PBX4: variants seen among roughly 807,000 people sequenced by gnomAD.
The protein encoded by PBX4 is PBX homeobox 4, also known as pre-B-cell leukemia transcription factor 4.
PBX4 carries 26 observed loss-of-function variants against 35.1 expected under a neutral mutation model. That is an observed-to-expected ratio of 0.74 (90% CI 0.54 to 1.03). The LOEUF is 1.03. PBX4 is among the 50% of genes least tolerant of loss of function. The pLI is 0.00. For missense variants in PBX4, 448 were observed against 504.3 expected (o/e 0.89, Z 1.07); for synonymous variants, 199 against 204.2 (o/e 0.97, Z 0.22).
At chr19:19,607,043 C>G (rs1599380240) in intron 1 of PBX4, among the ~76,000 whole-genome samples, 1 of 152,040 alleles carries the variant, frequency 6.6e-6, no homozygotes, top group Non-Finnish European at 1.5e-5. Flanking sequence ...CTACCAAATC[C>G]ACATATCTGA....
Position 19,562,149 on chromosome 19 carries a change from G to C in PBX4, c.1033-32C>G. On this transcript the variant is annotated intron_variant, in intron 7 of 7. Coordinates refer to ENST00000251203, the MANE Select transcript of PBX4 (RefSeq NM_025245.3). This position sits in a 1 kb window ranked among gnomAD's most constrained non-coding sequence, Gnocchi z 4.8. ...CGACAGAGACTGAGCATCAGAGTGG[G>C]TGGCCGTGAGACTGGTGACTACCCA... 1.9e-6 allele frequency: 3 copies of C among 1,554,642 alleles called. No individual in the cohort carries two copies. The highest frequency in any genetic ancestry group is 2.6e-6 in the Non-Finnish European group (3 of 1,138,422).
At position 19,569,650 on chromosome 19, in the gene PBX4, T is replaced by C. The variant is rs2061368302; in HGVS notation, c.633-66A>G. The C allele has an allele frequency of 3.9e-6, 6 of 1,553,136 alleles. No individual in the cohort carries two copies. The East Asian group carries it at 1.4e-4, about 36-fold the overall frequency. ...ACTCCAGTACCACCCCCACCTCTAG[T>C]TCTGAGTATGATTTTCCAGTAGTTC... On this transcript the variant is annotated intron_variant, in intron 4 of 7. Transcript: ENST00000251203.
At position 19,618,492 on chromosome 19, in the gene PBX4, C is replaced by T; in HGVS notation, c.119+19G>A. On this transcript the variant is annotated intron_variant, in intron 1 of 7. Coordinates refer to ENST00000251203, the MANE Select transcript of PBX4 (RefSeq NM_025245.3). Reference sequence around the variant, plus strand: ...CTGCCACGACCCTGCGTGGCCCCTGCCGAGCCCGCGGGCAGCACCTGGCCT... The same window carrying T: ...CTGCCACGACCCTGCGTGGCCCCTGTCGAGCCCGCGGGCAGCACCTGGCCT... 1 of 1,459,348 alleles carries T rather than the reference C, an allele frequency of 6.9e-7. No individual in the cohort carries two copies. Among genetic ancestry groups the T allele is most frequent in the Non-Finnish European group, 9.1e-7 (1 of 1,100,422 alleles). The allele number at this position is 1,459,348 out of a possible 1,614,324, so 90.4% of individuals were successfully genotyped here.
intron 2 of PBX4, among the ~76,000 whole-genome samples, chr19:19,571,680 C>T (rs916878543): frequency 1.3e-5 from 2 of 152,146 alleles, no homozygotes; most frequent in Admixed American, 6.5e-5. Context: ...CCAATGGCAT[C>T]GCATTCTCCC....
chr19:19,569,442 A>G lies in PBX4; in HGVS notation c.768+7T>C, dbSNP rs747749753. On this transcript the variant is annotated splice_region_variant and intron_variant, in intron 5 of 7. Coordinates refer to ENST00000251203, the MANE Select transcript of PBX4 (RefSeq NM_025245.3). Reference sequence around the variant, plus strand: ...GCGTGGCGAGACGTGGCAGGAGAGAACGTCACCTGGGAGATGGTGAGGCCG... The same window carrying G: ...GCGTGGCGAGACGTGGCAGGAGAGAGCGTCACCTGGGAGATGGTGAGGCCG... 4 of 1,608,664 alleles carry G rather than the reference A, an allele frequency of 2.5e-6. No individual in the cohort carries two copies. Among genetic ancestry groups the G allele is most frequent in the Admixed American group, 3.4e-5 (2 of 58,558 alleles).
chr19:19,577,194 C>CA (rs35798518), intron 2 of PBX4, among the ~76,000 whole-genome samples: 7,531 of 100,242 alleles, frequency 0.075, 295 homozygotes, highest in South Asian at 0.17. Context: ...GACTCCATGT[C>CA]AAAAAAAAAA....
At chr19:19,618,439 G>A in intron 1 of PBX4, 72 bp downstream of exon 1, 5 of 1,298,200 alleles carry the variant, frequency 3.9e-6, no homozygotes, top group South Asian at 3.7e-5. Context: ...TGGCCTCCAC[G>A]CCCCGTCCCC....
chr19:19,616,189 T>C (rs754217065), intron 1 of PBX4, among the ~76,000 whole-genome samples: 24 of 152,264 alleles, frequency 1.6e-4, no homozygotes, highest in South Asian at 1.2e-3. Flanking sequence ...GTGAAGCAGA[T>C]TCTACGGATC....
At chr19:19,567,105 C>A (rs1000938456) in intron 5 of PBX4, among the ~76,000 whole-genome samples, 2 of 152,298 alleles carry the variant, frequency 1.3e-5, no homozygotes, top group Admixed American at 1.3e-4. Context: ...GTCTGCCTAC[C>A]CCGGGGGTGT....
intron 2 of PBX4, among the ~76,000 whole-genome samples, chr19:19,592,395 G>A (rs898125406): frequency 3.9e-5 from 6 of 152,182 alleles, no homozygotes; most frequent in East Asian, 1.9e-4. Flanking sequence ...AAATGCATAC[G>A]CTGAGGGTGT....
At chr19:19,566,789 C>T (rs901413498) in intron 5 of PBX4, among the ~76,000 whole-genome samples, 2 of 150,930 alleles carry the variant, frequency 1.3e-5, no homozygotes, top group Admixed American at 6.6e-5. Flanking sequence ...CAACTCACTG[C>T]AACCTCCGCC....
chr19:19,610,491 T>C (rs1237433250), intron 1 of PBX4, among the ~76,000 whole-genome samples: 2 of 152,094 alleles, frequency 1.3e-5, no homozygotes, highest in Non-Finnish European at 2.9e-5. Flanking sequence ...GGCTCACACC[T>C]GTAATCTCAG....
Position 19,563,488 on chromosome 19 carries a change from G to T in PBX4, c.1032+21C>A. 1 of 1,519,774 alleles carries T rather than the reference G, an allele frequency of 6.6e-7. No homozygotes were observed. Among genetic ancestry groups the T allele is most frequent in the South Asian group, 1.2e-5 (1 of 82,748 alleles). The allele number at this position is 1,519,774 out of a possible 1,614,324, so 94.1% of individuals were successfully genotyped here. On this transcript the variant is annotated intron_variant, in intron 7 of 7. Coordinates refer to ENST00000251203, the MANE Select transcript of PBX4 (RefSeq NM_025245.3). This position sits in a 1 kb window ranked among gnomAD's most constrained non-coding sequence, Gnocchi z 5.1. ...AACCTACCACCCACCTGGGCGCTGT[G>T]GGACAGTGCCTGAGACTCACCTGGG... is the stretch of plus-strand genomic sequence containing the variant.
rs191211778 is a variant in PBX4, at chr19:19,568,780, T to C, written c.768+669A>G. 8.5e-3 allele frequency among the ~76,000 whole-genome samples: 1,220 copies of C among 143,484 alleles called. 48 individuals carry two copies. The highest frequency in any genetic ancestry group is 0.062 in the Admixed American group (912 of 14,608). The allele number at this position is 143,484 out of a possible 152,430, so 94.1% of individuals were successfully genotyped here. A position where few individuals can be genotyped will look rare whatever the true frequency, so the allele number is the denominator to read the frequency against. On this transcript the variant is annotated intron_variant, in intron 5 of 7. Transcript: ENST00000251203. ...TGTATCCCTCAGGGAGCTCATACTC[T>C]GTCTGTATCCCTCAGGGAGTTCACA...
intron 5 of PBX4, among the ~76,000 whole-genome samples, chr19:19,565,853 G>A (rs1369827488): frequency 1.3e-5 from 2 of 152,102 alleles, no homozygotes; most frequent in African/African-American, 4.8e-5. Flanking sequence ...GGGAGGCAGA[G>A]GTTGCAGTGA....
intron 2 of PBX4, among the ~76,000 whole-genome samples, chr19:19,581,543 G>A (rs573060483): frequency 1.3e-5 from 2 of 152,318 alleles, no homozygotes; most frequent in African/African-American, 2.4e-5. Context: ...GGAAGGAGCC[G>A]GCATTCCACG....
rs1344348105 is a variant in PBX4 at position 19,611,678 on chromosome 19, CAAAAAAAAAA to C, written c.119+6823_119+6832del. 9.3e-5 allele frequency among the ~76,000 whole-genome samples: 5 copies of C among 53,666 alleles called. No homozygotes were observed. The South Asian group carries it at 1.7e-3, about 18-fold the overall frequency. 35.2% of individuals were successfully genotyped at this position (53,666 alleles called of 152,430 possible). On this transcript the variant is annotated intron_variant, in intron 1 of 7. Coordinates refer to ENST00000251203, the MANE Select transcript of PBX4 (RefSeq NM_025245.3). ...TGGGTGACAGGGTGAGATTCTGTCTCAAAAAAAAAAAAAAAAAAAGAAAGAAAAGTTCAGA... is the reference window on the plus strand; with the variant it reads ...TGGGTGACAGGGTGAGATTCTGTCTCAAAAAAAAAGAAAGAAAAGTTCAGA...
intron 2 of PBX4, among the ~76,000 whole-genome samples, chr19:19,583,043 C>T (rs1418406429): frequency 6.6e-6 from 1 of 152,232 alleles, no homozygotes; most frequent in Non-Finnish European, 1.5e-5. Context: ...GGTGGCCAGG[C>T]GCGGTGGCTC....
intron 1 of PBX4, among the ~76,000 whole-genome samples, chr19:19,610,435 A>G (rs1260683738): frequency 6.6e-6 from 1 of 151,610 alleles, no homozygotes; most frequent in Non-Finnish European, 1.5e-5. Context: ...AAAATTTAAA[A>G]AACTTACAAA....
Sources: allele counts gnomAD v4.1 joint callset (sites outside exome capture counted in the v4.1 genomes callset), GRCh38; gene constraint gnomAD v4.1.1; non-coding constraint Gnocchi (gnomAD v3.1); transcripts MANE v1.5; gene names NCBI Gene and HGNC (gene_info 2026-07-23, HGNC 2026-07-21).